Variants in PTPN5 observed in about 807,000 individuals in gnomAD.
PTPN5 encodes tyrosine-protein phosphatase non-receptor type 5.
A neutral mutation model predicts 73.9 loss-of-function variants in PTPN5; 29 were observed. That is an observed-to-expected ratio of 0.39 (90% CI 0.29 to 0.54). The LOEUF is 0.54. Ranked by LOEUF, PTPN5 falls within the 20% of genes least tolerant of loss-of-function variation. PTPN5 has a pLI of 0.65. For missense variants in PTPN5, 652 were observed against 751.4 expected (o/e 0.87, Z 1.55); for synonymous variants, 267 against 304.7 (o/e 0.88, Z 1.29).
intron 1 of PTPN5, among the ~76,000 whole-genome samples, chr11:18,790,173 G>T (rs763729397): frequency 6.6e-6 from 1 of 151,964 alleles, no homozygotes; most frequent in Non-Finnish European, 1.5e-5. Context: ...GCCGCGTGCT[G>T]AGAAACCACC....
At position 18,730,392 on chromosome 11, in the gene PTPN5, C is replaced by T. The variant is rs115478093; in HGVS notation, c.1330-574G>A. 3.4e-3 allele frequency: 538 copies of T among 158,352 alleles called. 4 individuals carry two copies. The highest frequency in any genetic ancestry group is 7.9e-3 in the African/African-American group (332 of 41,830). 9.8% of individuals were successfully genotyped at this position (158,352 alleles called of 1,614,324 possible). ...GTCAAAATAGTCTGTGTACAACACA[C>T]ATCTGGACATGCTGCTCTCCTGCTG... On this transcript the variant is annotated intron_variant, in intron 12 of 14. Transcript: ENST00000358540.
intron 9 of PTPN5, among the ~76,000 whole-genome samples, chr11:18,734,304 T>C (rs1252181255): frequency 6.6e-6 from 1 of 152,148 alleles, no homozygotes; most frequent in East Asian, 1.9e-4. Context: ...AAAAAGGTTT[T>C]TTTTCCTTTC....
At chr11:18,736,202 G>A (rs1849105474) in intron 9 of PTPN5, among the ~76,000 whole-genome samples, 1 of 152,208 alleles carries the variant, frequency 6.6e-6, no homozygotes, top group Non-Finnish European at 1.5e-5. Context: ...TTGGGAGGCC[G>A]AAGCAGGCGA....
intron 12 of PTPN5, among the ~76,000 whole-genome samples, chr11:18,731,833 G>A (rs1353336851): frequency 6.6e-6 from 1 of 152,186 alleles, no homozygotes; most frequent in Admixed American, 6.5e-5. Flanking sequence ...AACTTCCTTG[G>A]CTGCTCCTGG....
chr11:18,731,334 C>T (rs1345882733), intron 12 of PTPN5, among the ~76,000 whole-genome samples: 1 of 151,928 alleles, frequency 6.6e-6, no homozygotes, highest in Non-Finnish European at 1.5e-5. Flanking sequence ...ATCTCTAGCT[C>T]AGTACTTACC....
In PTPN5 at chr11:18,728,339, T is replaced by C. The variant is rs1219170074; in HGVS notation, c.*595A>G. 6.6e-6 allele frequency: 1 copy of C among 152,488 alleles called. No homozygotes were observed. The highest frequency in any genetic ancestry group is 1.5e-5 in the Non-Finnish European group (1 of 68,240). The allele number at this position is 152,488 out of a possible 1,614,324, so 9.4% of individuals were successfully genotyped here. On this transcript the variant is annotated 3_prime_UTR_variant, in exon 15 of 15. Coordinates refer to ENST00000358540, the MANE Select transcript of PTPN5 (RefSeq NM_006906.2). The surrounding 1 kb of genome is among the most constrained non-coding windows in gnomAD (Gnocchi z 4.1). ...CAGGCTGGGCACCCTCCTGAGAGCA[T>C]CTGACACCCAGAGGCCACCCTGGCT...
At chr11:18,759,978 G>A (rs139960920) in intron 3 of PTPN5, among the ~76,000 whole-genome samples, 1 of 152,096 alleles carries the variant, frequency 6.6e-6, no homozygotes, top group South Asian at 2.1e-4. Context: ...GACACAGCAG[G>A]TTCCTGAAGA....
rs1376648377 is a variant in PTPN5 at position 18,728,090 on chromosome 11, C to A, written c.*844G>T. 6.6e-6 allele frequency: 1 copy of A among 152,654 alleles called. No individual in the cohort carries two copies. The highest frequency in any genetic ancestry group is 1.5e-5 in the Non-Finnish European group (1 of 68,038). 9.5% of individuals were successfully genotyped at this position (152,654 alleles called of 1,614,324 possible). On this transcript the variant is annotated 3_prime_UTR_variant, in exon 15 of 15. Transcript: ENST00000358540. The surrounding 1 kb of genome is among the most constrained non-coding windows in gnomAD (Gnocchi z 4.1). ...ACATGTTGCCAAAGAGTCATGCATGCCCTCCTGATGGGCTCTCAACACACG... is the reference window on the plus strand; with the variant it reads ...ACATGTTGCCAAAGAGTCATGCATGACCTCCTGATGGGCTCTCAACACACG...
chr11:18,737,791 G>A, intron 9 of PTPN5, 89 bp downstream of exon 9: 2 of 1,173,288 alleles, frequency 1.7e-6, no homozygotes, highest in Non-Finnish European at 2.6e-6. Context: ...GTCACCCCTA[G>A]AGGCCCAGCT....
chr11:18,732,447 C>A, intron 12 of PTPN5, 145 bp downstream of exon 12: 1 of 673,726 alleles, frequency 1.5e-6, no homozygotes, highest in Non-Finnish European at 2.6e-6. Flanking sequence ...TCACCTCTCA[C>A]TCATCCGTAA....
chr11:18,738,616 G>A (rs992957616), intron 8 of PTPN5, among the ~76,000 whole-genome samples: 3 of 152,156 alleles, frequency 2.0e-5, no homozygotes, highest in Admixed American at 6.5e-5. Flanking sequence ...AGCTTGTGAC[G>A]TTCTGCCTCC....
intron 3 of PTPN5, among the ~76,000 whole-genome samples, chr11:18,746,168 T>TAA (rs1564901208): frequency 1.2e-4 from 11 of 94,106 alleles, no homozygotes; most frequent in East Asian, 2.7e-4. Context: ...TATAAATATA[T>TAA]ATATATATAT....
chr11:18,781,323 C>T (rs868440741), intron 1 of PTPN5, among the ~76,000 whole-genome samples: 3 of 114,428 alleles, frequency 2.6e-5, no homozygotes, highest in Non-Finnish European at 3.4e-5. Flanking sequence ...TTTTTGACCA[C>T]TTTTTTTTTT....
At position 18,733,617 on chromosome 11, in the gene PTPN5, C is replaced by CACACT; in HGVS notation, c.1014_1018dup (p.Cys340Ter). On this transcript the variant is annotated stop_gained and frameshift_variant, in exon 10 of 15. Coordinates refer to ENST00000358540, the MANE Select transcript of PTPN5 (RefSeq NM_006906.2). LOFTEE classifies it high-confidence loss of function. The surrounding 1 kb of genome is among the most constrained non-coding windows in gnomAD (Gnocchi z 4.3). ...GTCGTCAGGGTCTGGTGAGGTCAGA[C>CACACT]ACACTCTGCTGTGAGGGTCTGGGGT... 1 of 1,614,236 alleles carries CACACT rather than the reference C, an allele frequency of 6.2e-7. No individual in the cohort carries two copies. The highest frequency in any genetic ancestry group is 1.1e-5 in the South Asian group (1 of 91,084).
rs192510092 is a variant in PTPN5, at chr11:18,738,295, T to A, written c.916-331A>T. 4.6e-5 allele frequency among the ~76,000 whole-genome samples: 7 copies of A among 152,280 alleles called. No homozygotes were observed. The East Asian group carries it at 1.2e-3, about 25-fold the overall frequency. On this transcript the variant is annotated intron_variant, in intron 8 of 14. Coordinates refer to ENST00000358540, the MANE Select transcript of PTPN5 (RefSeq NM_006906.2). The stretch of plus-strand genomic sequence containing the variant: ...CTTCTTCCATGCTCCCTGGGCAGCA[T>A]TCCTCCCTGGGCATCCCTATCTCGG...
intron 4 of PTPN5, 147 bp downstream of exon 4, chr11:18,743,859 C>T: frequency 1.1e-6 from 1 of 918,600 alleles, no homozygotes; most frequent in South Asian, 2.0e-5. Flanking sequence ...CCCCTTATCC[C>T]AGCCTTGAGG....
intron 3 of PTPN5, among the ~76,000 whole-genome samples, chr11:18,745,006 T>C (rs568522462): frequency 6.6e-6 from 1 of 152,220 alleles, no homozygotes; most frequent in Non-Finnish European, 1.5e-5. Context: ...TACCATATAC[T>C]GGATTTCTGC....
rs907669180 is a variant in PTPN5 at position 18,770,218 on chromosome 11, G to A, written c.20+1721C>T. 3.9e-5 allele frequency among the ~76,000 whole-genome samples: 6 copies of A among 152,108 alleles called. No individual in the cohort carries two copies. In the South Asian group the frequency reaches 8.3e-4, roughly 21 times the overall value. On this transcript the variant is annotated intron_variant, in intron 2 of 14. Coordinates refer to ENST00000358540, the MANE Select transcript of PTPN5 (RefSeq NM_006906.2). ...TGGCATTTAATACATTCATAATGTTGTGCAACCATCATAATGATCTGCTTC... is the reference window on the plus strand; with the variant it reads ...TGGCATTTAATACATTCATAATGTTATGCAACCATCATAATGATCTGCTTC...
At chr11:18,782,586 C>T (rs961692935) in intron 1 of PTPN5, among the ~76,000 whole-genome samples, 1 of 152,060 alleles carries the variant, frequency 6.6e-6, no homozygotes, top group Non-Finnish European at 1.5e-5. Flanking sequence ...ACTTATATGA[C>T]GATTAGGAAC....
Sources: allele counts gnomAD v4.1 joint callset (sites outside exome capture counted in the v4.1 genomes callset), GRCh38; gene constraint gnomAD v4.1.1; non-coding constraint Gnocchi (gnomAD v3.1); transcripts MANE v1.5; gene names NCBI Gene and HGNC (gene_info 2026-07-23, HGNC 2026-07-21).